Variants in SDK1 observed in about 807,000 individuals in gnomAD.
The protein encoded by SDK1 is protein sidekick-1.
A neutral mutation model predicts 245.5 loss-of-function variants in SDK1; 157 were observed. The observed-to-expected ratio is 0.64, with a 90% CI of 0.56 to 0.73. The LOEUF is 0.73. Among genes scored for constraint, SDK1 ranks in the 30% least tolerant of loss-of-function variants. The pLI is 0.00. For synonymous variants in SDK1, 1,647 were observed against 1,278.5 expected (o/e 1.29, Z -6.15); for missense variants, 3,583 against 3,002.3 (o/e 1.19, Z -4.52).
chr7:3,580,982 AAAAAAAAAAAAACC>A (rs1780464505), intron 1 of SDK1, among the ~76,000 whole-genome samples: 1 of 139,900 alleles, frequency 7.1e-6, no homozygotes, highest in African/African-American at 2.6e-5. Context: ...AAAAAAAAAA[AAAAAAAAAAAAACC>A]AAAACAAAAC....
intron 1 of SDK1, among the ~76,000 whole-genome samples, chr7:3,473,802 C>T (rs1781256170): frequency 6.6e-6 from 1 of 152,060 alleles, no homozygotes; most frequent in African/African-American, 2.4e-5. Flanking sequence ...GTGTGATGAA[C>T]ATGAGCTGAA....
intron 4 of SDK1, among the ~76,000 whole-genome samples, chr7:3,759,584 C>CATT (rs4039584): frequency 0.18 from 26,581 of 145,752 alleles, 2,612 homozygotes; most frequent in Middle Eastern, 0.32. Flanking sequence ...AAATTTTTTT[C>CATT]ATTATTATTA....
At chr7:3,580,993 AACC>A (rs1437415365) in intron 1 of SDK1, among the ~76,000 whole-genome samples, 4 of 135,726 alleles carry the variant, frequency 2.9e-5, no homozygotes, top group African/African-American at 8.4e-5. Context: ...AAAAAAAAAA[AACC>A]AAAACAAAAC....
Position 3,757,211 on chromosome 7 carries a change from C to T in SDK1, c.714-64239C>T, listed in dbSNP as rs138494926. Among the ~76,000 whole-genome samples the T allele has an allele frequency of 3.1e-4, 47 of 152,158 alleles. 2 individuals carry two copies. The East Asian group carries it at 9.1e-3, about 29-fold the overall frequency. On this transcript the variant is annotated intron_variant, in intron 4 of 44. Transcript: ENST00000404826. Reference sequence around the variant, plus strand: ...CTGACAGACTTTGAATCGGGGTTCCCAAAACCCCCTCCTTGGGCTCAGTAA... The same window carrying T: ...CTGACAGACTTTGAATCGGGGTTCCTAAAACCCCCTCCTTGGGCTCAGTAA...
chr7:4,030,308 G>T (rs183476578), intron 17 of SDK1, among the ~76,000 whole-genome samples: 7 of 152,228 alleles, frequency 4.6e-5, no homozygotes, highest in Admixed American at 4.6e-4. Context: ...ATATGTGTAC[G>T]AAAACAGCTT....
At chr7:3,345,320 C>T (rs1780463713) in intron 1 of SDK1, among the ~76,000 whole-genome samples, 1 of 152,028 alleles carries the variant, frequency 6.6e-6, no homozygotes, top group African/African-American at 2.4e-5. Context: ...GATATTGGGA[C>T]ATGACATATG....
intron 1 of SDK1, among the ~76,000 whole-genome samples, chr7:3,410,968 G>C (rs923878563): frequency 2.0e-5 from 3 of 152,068 alleles, no homozygotes; most frequent in African/African-American, 7.3e-5. Flanking sequence ...TGGTGTAGAG[G>C]AAAGACAGGA....
In SDK1 at chr7:3,629,533, A is replaced by AC. The variant is rs1289664583; in HGVS notation, c.459-9469dup. 2.0e-5 allele frequency among the ~76,000 whole-genome samples: 3 copies of AC among 152,178 alleles called. No individual in the cohort carries two copies. In the East Asian group the frequency reaches 5.8e-4, roughly 29 times the overall value. On this transcript the variant is annotated intron_variant, in intron 2 of 44. Transcript: ENST00000404826. ...CTGTTCTCACCAGCCAAATCGTAAA[A>AC]CCTCATATTCATGAGTTTATCAGAT...
chr7:3,342,707 G>C (rs1325843933), intron 1 of SDK1, among the ~76,000 whole-genome samples: 1 of 152,194 alleles, frequency 6.6e-6, no homozygotes, highest in South Asian at 2.1e-4. Flanking sequence ...ACCAGTTAAA[G>C]ACTTTTTCTC....
chr7:3,622,215 C>T (rs1229502451), intron 2 of SDK1, among the ~76,000 whole-genome samples: 9 of 152,208 alleles, frequency 5.9e-5, no homozygotes, highest in Admixed American at 2.6e-4. Context: ...CAGTGGCTCA[C>T]ACCTGTAATC....
chr7:3,449,351 G>C (rs1022934640), intron 1 of SDK1, among the ~76,000 whole-genome samples: 11 of 151,036 alleles, frequency 7.3e-5, no homozygotes, highest in Non-Finnish European at 1.5e-4. Flanking sequence ...CTCAGGCTTG[G>C]TGGTACAAAA....
intron 5 of SDK1, among the ~76,000 whole-genome samples, chr7:3,895,013 C>T (rs904868253): frequency 5.3e-5 from 8 of 152,118 alleles, no homozygotes; most frequent in South Asian, 2.1e-4. Context: ...TGATTACCAG[C>T]GTGTCTCTAA....
intron 38 of SDK1, among the ~76,000 whole-genome samples, chr7:4,217,575 G>A (rs1784904014): frequency 6.8e-6 from 1 of 146,948 alleles, no homozygotes; most frequent in African/African-American, 2.5e-5. Flanking sequence ...ACCACCCGGA[G>A]CACCACGCCA....
intron 1 of SDK1, among the ~76,000 whole-genome samples, chr7:3,477,973 T>A (rs1781398162): frequency 6.6e-6 from 1 of 152,206 alleles, no homozygotes; most frequent in Non-Finnish European, 1.5e-5. Flanking sequence ...TTACTTTTTT[T>A]CCTAAACAGT....
At chr7:3,376,753 T>G (rs1363497364) in intron 1 of SDK1, among the ~76,000 whole-genome samples, 1 of 152,152 alleles carries the variant, frequency 6.6e-6, no homozygotes, top group Non-Finnish European at 1.5e-5. Flanking sequence ...TTGTGTAAAT[T>G]TATGCTAAGG....
intron 4 of SDK1, among the ~76,000 whole-genome samples, chr7:3,694,682 G>A (rs1784525592): frequency 6.6e-6 from 1 of 152,060 alleles, no homozygotes; most frequent in Non-Finnish European, 1.5e-5. Flanking sequence ...TGATGTTCTG[G>A]GGAACATTTG....
At chr7:4,088,743 G>A (rs1330187286) in intron 22 of SDK1, among the ~76,000 whole-genome samples, 3 of 152,180 alleles carry the variant, frequency 2.0e-5, no homozygotes, top group Non-Finnish European at 4.4e-5. Context: ...TTGGGGTTGA[G>A]ATTGTTGTAT....
At chr7:3,997,747 G>C (rs1198164258) in intron 14 of SDK1, among the ~76,000 whole-genome samples, 1 of 152,144 alleles carries the variant, frequency 6.6e-6, no homozygotes, top group Non-Finnish European at 1.5e-5. Flanking sequence ...CTCCAGCCAG[G>C]GGGACTGGCA....
intron 17 of SDK1, among the ~76,000 whole-genome samples, chr7:4,035,779 C>T (rs1788163446): frequency 6.6e-6 from 1 of 152,114 alleles, no homozygotes; most frequent in South Asian, 2.1e-4. Context: ...TGGAACATCT[C>T]ATCATTCCAA....
Sources: allele counts gnomAD v4.1 joint callset (sites outside exome capture counted in the v4.1 genomes callset), GRCh38; gene constraint gnomAD v4.1.1; transcripts MANE v1.5; gene names NCBI Gene and HGNC (gene_info 2026-07-23, HGNC 2026-07-21).